Variants in C9 observed in about 807,000 individuals in gnomAD.
C9 encodes the protein complement component C9.
A neutral mutation model predicts 65.4 loss-of-function variants in C9; 63 were observed. The observed-to-expected ratio is 0.96, with a 90% CI of 0.79 to 1.19. The LOEUF (loss-of-function observed/expected upper bound fraction) is 1.19, where lower values mean the gene tolerates loss of function less well. C9 is among the 50% of genes most tolerant of loss of function. The probability of loss-of-function intolerance (pLI) is 0.00; values close to 1 mark genes in which losing one functional copy is unlikely to be tolerated. For synonymous variants in C9, 229 were observed against 227.9 expected (o/e 1.00, Z -0.04); for missense variants, 744 against 670.1 (o/e 1.11, Z -1.22).
chr5:39,315,806 T>C lies in C9; in HGVS notation c.839A>G (p.Tyr280Cys), dbSNP rs764893805. The C allele has an allele frequency of 1.2e-6, 2 of 1,606,290 alleles. No homozygotes were observed. Among genetic ancestry groups the C allele is most frequent in the Non-Finnish European group, 1.7e-6 (2 of 1,173,118 alleles). The change falls in exon 6 of 11, where the codon TAC becomes TGC. Residue 280 changes from tyrosine (Y) to cysteine (C), a missense_variant. Coordinates refer to ENST00000263408, the MANE Select transcript of C9 (RefSeq NM_001737.5). ...TGAAGAATATGACAAAAATAGTTGG[T>C]AAGTTTCATTTTTGGAATATGAAAA... Reference protein sequence around the residue: ...FRFSYSKNETYQLFLSYSSKK... With the variant: ...FRFSYSKNETCQLFLSYSSKK...
intron 10 of C9, among the ~76,000 whole-genome samples, chr5:39,288,408 C>A (rs1753030632): frequency 6.6e-6 from 1 of 151,724 alleles, no homozygotes. Context: ...TATTAACATT[C>A]ATCAATTCTA....
chr5:39,352,652 CTT>C (rs1338163547), intron 1 of C9, among the ~76,000 whole-genome samples: 1 of 152,164 alleles, frequency 6.6e-6, no homozygotes. Flanking sequence ...CTCTTCATCT[CTT>C]TCAGATGTTT....
intron 5 of C9, among the ~76,000 whole-genome samples, chr5:39,331,233 G>A (rs566991888): frequency 1.7e-4 from 26 of 152,232 alleles, no homozygotes; most frequent in Admixed American, 1.6e-3. Flanking sequence ...AGGTAGAGGA[G>A]TTTAAGGTGA....
At chr5:39,300,041 A>C (rs889145606) in intron 9 of C9, among the ~76,000 whole-genome samples, 4 of 152,092 alleles carry the variant, frequency 2.6e-5, no homozygotes, top group African/African-American at 4.8e-5. Context: ...AGAGATTTTT[A>C]TCTCTTTTAT....
intron 1 of C9, among the ~76,000 whole-genome samples, chr5:39,359,102 G>GTGTA (rs1407613505): frequency 5.6e-4 from 58 of 103,638 alleles, no homozygotes; most frequent in African/African-American, 1.9e-3. Context: ...GTGTGTGTGT[G>GTGTA]TATATATATA....
chr5:39,341,481 A>T (rs1218101011), intron 3 of C9, 75 bp downstream of exon 3: 2 of 1,546,898 alleles, frequency 1.3e-6, no homozygotes, highest in Admixed American at 3.3e-5. Flanking sequence ...GTCCAGAAGC[A>T]TATGCTTTTT....
At position 39,288,826 on chromosome 5, in the gene C9, T is replaced by G; in HGVS notation, c.1542A>C (p.Gln514His). The G allele has an allele frequency of 6.2e-7, 1 of 1,611,696 alleles. No homozygotes were observed. The highest frequency in any genetic ancestry group is 8.5e-7 in the Non-Finnish European group (1 of 1,178,154). ...CCATTAGAATCACTGTACCTCCATT[T>G]TGGCATGTGTGGCATTTTCTTACAC... ...EFSVRKCHTC[Q>H]NGGTVILMDG... Residue 514 changes from glutamine to histidine, a missense_variant, in exon 10 of 11, where the codon CAA becomes CAC. Physicochemically the swap from Gln to His is conservative, Grantham distance 24. Transcript: ENST00000263408.
At chr5:39,320,453 AAGAC>A (rs1262227905) in intron 5 of C9, among the ~76,000 whole-genome samples, 1 of 152,202 alleles carries the variant, frequency 6.6e-6, no homozygotes, top group Non-Finnish European at 1.5e-5. Context: ...CATGAGCTCA[AAGAC>A]AGTTCATTTG....
At position 39,341,434 on chromosome 5, in the gene C9, G is replaced by A. The variant is rs1295116373; in HGVS notation, c.328+122C>T. 5 of 1,411,236 alleles carry A rather than the reference G, an allele frequency of 3.5e-6. No homozygotes were observed. In the Admixed American group the frequency reaches 8.5e-5, roughly 24 times the overall value. 87.4% of individuals were successfully genotyped at this position (1,411,236 alleles called of 1,614,324 possible). On this transcript the variant is annotated intron_variant, in intron 3 of 10. Transcript: ENST00000263408. ...GTTCTTTGTACAGAATATATAGATG[G>A]CCTCTTTTGGGGCCTTTCACGCTTG...
chr5:39,342,727 T>C (rs542163514), intron 1 of C9, among the ~76,000 whole-genome samples: 1 of 152,236 alleles, frequency 6.6e-6, no homozygotes, highest in African/African-American at 2.4e-5. Flanking sequence ...CTGTATGCCC[T>C]AAACTGGATG....
intron 6 of C9, among the ~76,000 whole-genome samples, chr5:39,313,805 T>C (rs1753527856): frequency 6.6e-6 from 1 of 152,148 alleles, no homozygotes; most frequent in African/African-American, 2.4e-5. Context: ...TTTCCCAAAC[T>C]CCAGCCTCAA....
intron 1 of C9, among the ~76,000 whole-genome samples, chr5:39,356,177 T>C (rs1459340220): frequency 6.6e-6 from 1 of 152,226 alleles, no homozygotes; most frequent in Non-Finnish European, 1.5e-5. Flanking sequence ...GTAAACTTTG[T>C]AAGCATTACT....
chr5:39,343,348 C>T lies in C9; in HGVS notation c.78-1152G>A, dbSNP rs187769416. On this transcript the variant is annotated intron_variant, in intron 1 of 10. Coordinates refer to ENST00000263408, the MANE Select transcript of C9 (RefSeq NM_001737.5). ...CCACCCCAATACTGTGCTTTTCCAA[C>T]GGTCTTAGCAAACAGCACACTAGGA... 1.4e-3 allele frequency among the ~76,000 whole-genome samples: 211 copies of T among 152,292 alleles called. 1 individual carries two copies. Among genetic ancestry groups the T allele is most frequent in the African/African-American group, 4.6e-3 (190 of 41,568 alleles).
chr5:39,296,293 A>G (rs1038233712), intron 9 of C9, among the ~76,000 whole-genome samples: 5 of 151,760 alleles, frequency 3.3e-5, no homozygotes, highest in African/African-American at 7.2e-5. Context: ...TAATATCCAG[A>G]ATTTAGAAGG....
intron 9 of C9, among the ~76,000 whole-genome samples, chr5:39,297,716 AGC>A (rs1753210381): frequency 6.6e-6 from 1 of 151,692 alleles, no homozygotes; most frequent in Non-Finnish European, 1.5e-5. Context: ...AAATACATAA[AGC>A]TCAAACTGAT....
chr5:39,289,430 ATTTC>A (rs1283120223), intron 9 of C9, among the ~76,000 whole-genome samples: 1 of 136,372 alleles, frequency 7.3e-6, no homozygotes, highest in Non-Finnish European at 1.6e-5. Flanking sequence ...CCTTTTTCTA[ATTTC>A]TTTCTTGTTT....
chr5:39,286,272 T>G (rs1301826714), intron 10 of C9, among the ~76,000 whole-genome samples: 1 of 152,088 alleles, frequency 6.6e-6, no homozygotes, highest in Non-Finnish European at 1.5e-5. Flanking sequence ...AGGAAATAAT[T>G]CCCACCAAAA....
At chr5:39,345,929 A>C (rs1416861786) in intron 1 of C9, among the ~76,000 whole-genome samples, 1 of 152,228 alleles carries the variant, frequency 6.6e-6, no homozygotes. Flanking sequence ...TACTGGGTAC[A>C]TAACGAAATG....
At position 39,306,672 on chromosome 5, in the gene C9, T is replaced by G; in HGVS notation, c.1361A>C (p.Asp454Ala). Residue 454 changes from aspartate (D) to alanine (A), a missense_variant, in exon 9 of 11, where the codon GAC becomes GCC. By Grantham distance (126) the Asp-to-Ala change is moderately radical (BLOSUM62 -2). Coordinates refer to ENST00000263408, the MANE Select transcript of C9 (RefSeq NM_001737.5). ...TATGGAAGAGGCCCAGTTGACAAAGTCAGTCACATCAATCACGGTTCCTCG... is the reference window on the plus strand; with the variant it reads ...TATGGAAGAGGCCCAGTTGACAAAGGCAGTCACATCAATCACGGTTCCTCG... ...LLRGTVIDVT[D>A]FVNWASSIND... 9.3e-6 allele frequency: 15 copies of G among 1,613,768 alleles called. No individual in the cohort carries two copies. The highest frequency in any genetic ancestry group is 1.3e-5 in the Non-Finnish European group (15 of 1,179,732).
Sources: allele counts gnomAD v4.1 joint callset (sites outside exome capture counted in the v4.1 genomes callset), GRCh38; gene constraint gnomAD v4.1.1; transcripts MANE v1.5; gene names NCBI Gene and HGNC (gene_info 2026-07-23, HGNC 2026-07-21).